PAG1: variants seen among roughly 807,000 people sequenced by gnomAD.
PAG1 encodes the protein phosphoprotein membrane anchor with glycosphingolipid microdomains 1, also known as phosphoprotein associated with glycosphingolipid-enriched microdomains 1.
PAG1 carries 23 observed loss-of-function variants against 31.7 expected under a neutral mutation model. That is an observed-to-expected ratio of 0.73 (90% confidence interval 0.52 to 1.03). The LOEUF (loss-of-function observed/expected upper bound fraction) is 1.03. Among genes scored for constraint, PAG1 ranks in the 50% least tolerant of loss-of-function variants. The pLI, the probability that PAG1 is intolerant of heterozygous loss-of-function variation, is 0.00. For missense variants in PAG1, 473 were observed against 540.7 expected, an observed-to-expected ratio of 0.87 and a Z score of 1.24; for synonymous variants, 214 against 210.3, an observed-to-expected ratio of 1.02 and a Z score of -0.15.
chr8:81,016,381 C>G (rs980979514), intron 3 of PAG1, among the ~76,000 whole-genome samples: 2 of 152,226 alleles, frequency 1.3e-5, no homozygotes, highest in African/African-American at 4.8e-5. Context: ...GGCCTACACT[C>G]TTAGTCACTT....
intron 7 of PAG1, among the ~76,000 whole-genome samples, chr8:80,984,277 T>C (rs891030138): frequency 6.6e-6 from 1 of 151,996 alleles, no homozygotes; most frequent in African/African-American, 2.4e-5. Context: ...TTAGAAAGGG[T>C]CACAAAATAA....
rs1250663562 is a variant in PAG1, at chr8:81,049,687, C to T, written c.-174-19598G>A. 2.6e-5 allele frequency among the ~76,000 whole-genome samples: 4 copies of T among 152,136 alleles called. No homozygotes were observed. The East Asian group carries it at 7.7e-4, about 29-fold the overall frequency. The stretch of plus-strand genomic sequence containing the variant: ...CAAAATAATAATGCTAGAAAGGATT[C>T]CTTATATCACCATTTTCCAGTTTTC... On this transcript the variant is annotated intron_variant, in intron 2 of 8. Coordinates refer to ENST00000220597, the MANE Select transcript of PAG1 (RefSeq NM_018440.4).
At chr8:81,097,323 T>C (rs1023887918) in intron 1 of PAG1, among the ~76,000 whole-genome samples, 2 of 151,984 alleles carry the variant, frequency 1.3e-5, no homozygotes, top group African/African-American at 4.8e-5. Context: ...TCATTAAATG[T>C]GGAATGGGGT....
At chr8:81,018,811 G>C (rs1404348729) in intron 3 of PAG1, among the ~76,000 whole-genome samples, 1 of 152,188 alleles carries the variant, frequency 6.6e-6, no homozygotes, top group Non-Finnish European at 1.5e-5. Context: ...GACTAATACA[G>C]TAAATTGGGA....
chr8:81,033,186 G>A (rs1296752535), intron 2 of PAG1, among the ~76,000 whole-genome samples: 3 of 152,132 alleles, frequency 2.0e-5, no homozygotes, highest in African/African-American at 4.8e-5. Flanking sequence ...GATGTTATAA[G>A]TAAGCATCAG....
intron 2 of PAG1, among the ~76,000 whole-genome samples, chr8:81,038,754 C>T (rs1808504820): frequency 6.6e-6 from 1 of 152,098 alleles, no homozygotes; most frequent in Admixed American, 6.6e-5. Context: ...CAGAACTCTG[C>T]CATTGATAAT....
At chr8:81,047,056 G>A (rs2130860610) in intron 2 of PAG1, among the ~76,000 whole-genome samples, 1 of 152,208 alleles carries the variant, frequency 6.6e-6, no homozygotes, top group African/African-American at 2.4e-5. Flanking sequence ...AGTATTCTAT[G>A]GTGCATATGT....
intron 2 of PAG1, among the ~76,000 whole-genome samples, chr8:81,041,483 T>G (rs1344865817): frequency 6.6e-6 from 1 of 152,212 alleles, no homozygotes; most frequent in Non-Finnish European, 1.5e-5. Flanking sequence ...CGGGGGCTGC[T>G]GTGGCTCTCC....
chr8:80,974,041 C>T lies in PAG1; in HGVS notation c.*2503G>A, dbSNP rs1020781112. 1 of 151,860 alleles carries T rather than the reference C, an allele frequency of 6.6e-6. No homozygotes were observed. Among genetic ancestry groups the T allele is most frequent in the African/African-American group, 2.4e-5 (1 of 41,340 alleles). 9.4% of individuals were successfully genotyped at this position (151,860 alleles called of 1,614,324 possible). A position where few individuals can be genotyped will look rare whatever the true frequency, so the allele number is the denominator to read the frequency against. ...GGTTCTCAAATTAAAAGGTATATTT[C>T]AGTGCATATTTCATAGCCACATTGC... On this transcript the variant is annotated 3_prime_UTR_variant, in exon 9 of 9. Transcript: ENST00000220597.
At chr8:81,104,875 T>A (rs550145468) in intron 1 of PAG1, among the ~76,000 whole-genome samples, 2 of 152,164 alleles carry the variant, frequency 1.3e-5, no homozygotes, top group Admixed American at 6.5e-5. Context: ...GTACTCAAAT[T>A]CATCTACAAA....
At chr8:81,059,943 A>G (rs1808891064) in intron 2 of PAG1, among the ~76,000 whole-genome samples, 1 of 151,954 alleles carries the variant, frequency 6.6e-6, no homozygotes, top group East Asian at 1.9e-4. Context: ...GCTTGAACCC[A>G]GGAGGCGGAG....
chr8:81,011,069 T>C (rs1384153601), intron 3 of PAG1, among the ~76,000 whole-genome samples: 3 of 152,236 alleles, frequency 2.0e-5, no homozygotes, highest in African/African-American at 7.2e-5. Flanking sequence ...ATTACCCTGC[T>C]GTCTTTTCCT....
chr8:81,059,209 T>C (rs926332344), intron 2 of PAG1, among the ~76,000 whole-genome samples: 5 of 152,196 alleles, frequency 3.3e-5, no homozygotes, highest in Non-Finnish European at 2.9e-5. Flanking sequence ...GTAGTTGATA[T>C]ACTGCATTGT....
chr8:81,019,766 T>TC (rs1295347576), intron 3 of PAG1, among the ~76,000 whole-genome samples: 16 of 152,174 alleles, frequency 1.1e-4, no homozygotes, highest in African/African-American at 3.6e-4. Context: ...TACACAGAGT[T>TC]CCCACTGGGG....
chr8:81,050,568 T>G (rs183063551), intron 2 of PAG1, among the ~76,000 whole-genome samples: 7 of 152,248 alleles, frequency 4.6e-5, no homozygotes, highest in Admixed American at 1.3e-4. Context: ...AGACCAAAGC[T>G]TAGTCCTGAA....
At chr8:81,085,972 GTTTTTTTTTTTTTT>G (rs869177030) in intron 1 of PAG1, among the ~76,000 whole-genome samples, 5 of 58,876 alleles carry the variant, frequency 8.5e-5, no homozygotes, top group South Asian at 6.7e-4. Flanking sequence ...AATCTGGCTT[GTTTTTTTTTTTTTT>G]TTTTTTTTTT....
intron 2 of PAG1, among the ~76,000 whole-genome samples, chr8:81,031,145 T>C (rs1439115371): frequency 1.3e-5 from 2 of 152,254 alleles, no homozygotes; most frequent in Non-Finnish European, 2.9e-5. Context: ...GTCAGCAGAA[T>C]ATTTATATTA....
chr8:81,086,664 A>G (rs1809363576), intron 1 of PAG1, among the ~76,000 whole-genome samples: 1 of 152,246 alleles, frequency 6.6e-6, no homozygotes. Flanking sequence ...AACAGGCAAA[A>G]GATACAAACA....
chr8:80,997,815 C>A (rs764904534), intron 3 of PAG1, among the ~76,000 whole-genome samples: 2 of 152,168 alleles, frequency 1.3e-5, no homozygotes, highest in Non-Finnish European at 2.9e-5. Context: ...GATGTAAAGT[C>A]ATGGCTGGAG....
Sources: gnomAD v4.1 joint callset for allele counts (sites outside exome capture counted in the v4.1 genomes callset) on GRCh38, gnomAD v4.1.1 for gene constraint, MANE v1.5 for transcripts, NCBI Gene and HGNC (gene_info 2026-07-23, HGNC 2026-07-21) for gene names.